SLC22A23: variants seen among roughly 807,000 people sequenced by gnomAD.
The protein encoded by SLC22A23 is ion transporter protein.
SLC22A23 carries 26 observed loss-of-function variants against 61.0 expected under a neutral mutation model. The ratio of observed to expected loss-of-function variants is 0.43; its 90% CI spans 0.31 to 0.59. The LOEUF (loss-of-function observed/expected upper bound fraction) is 0.59, where lower values mean the gene tolerates loss of function less well. SLC22A23 is among the 20% of genes least tolerant of loss of function. SLC22A23 has a pLI of 0.11. For missense variants in SLC22A23, 796 were observed against 934.7 expected (o/e 0.85, Z 1.94); for synonymous variants, 430 against 413.9 (o/e 1.04, Z -0.47).
At chr6:3,384,818 A>G (rs1460636501) in intron 3 of SLC22A23, among the ~76,000 whole-genome samples, 1 of 152,236 alleles carries the variant, frequency 6.6e-6, no homozygotes, top group Admixed American at 6.5e-5. Context: ...AGCAGTATTC[A>G]CAATAGCGAG....
At position 3,317,819 on chromosome 6, in the gene SLC22A23, A is replaced by T. The variant is rs1291851212; in HGVS notation, c.1082+6015T>A. Among the ~76,000 whole-genome samples the T allele has an allele frequency of 6.6e-6, 1 of 152,102 alleles. No homozygotes were observed. The highest frequency in any genetic ancestry group is 1.5e-5 in the Non-Finnish European group (1 of 68,018). ...AGTTTGACTCTGCAAACCACACGAGAGGACCAGGCGAGCGCACCCTCCCAT... is the reference window on the plus strand; with the variant it reads ...AGTTTGACTCTGCAAACCACACGAGTGGACCAGGCGAGCGCACCCTCCCAT... On this transcript the variant is annotated intron_variant, in intron 4 of 9. Coordinates refer to ENST00000406686, the MANE Select transcript of SLC22A23 (RefSeq NM_015482.2). This position sits in a 1 kb window ranked among gnomAD's most constrained non-coding sequence, Gnocchi z 4.4.
intron 4 of SLC22A23, among the ~76,000 whole-genome samples, chr6:3,321,539 C>T (rs1304418444): frequency 6.6e-6 from 1 of 152,104 alleles, no homozygotes; most frequent in Non-Finnish European, 1.5e-5. Context: ...AAATGAATGC[C>T]TTACCTTGCC....
intron 3 of SLC22A23, among the ~76,000 whole-genome samples, chr6:3,339,772 T>G (rs941437084): frequency 6.6e-6 from 1 of 152,212 alleles, no homozygotes; most frequent in Admixed American, 6.5e-5. Flanking sequence ...CCACCCCTTG[T>G]TTAGCATATC....
At position 3,298,116 on chromosome 6, in the gene SLC22A23, C is replaced by T; in HGVS notation, c.1185G>A (p.Glu395=). 2 of 1,577,880 alleles carry T rather than the reference C, an allele frequency of 1.3e-6. No homozygotes were observed. The highest frequency in any genetic ancestry group is 1.7e-6 in the Non-Finnish European group (2 of 1,165,424). Residue 395 remains glutamate (E), a synonymous_variant, in exon 5 of 10, where the codon GAG becomes GAA. Coordinates refer to ENST00000406686, the MANE Select transcript of SLC22A23 (RefSeq NM_015482.2). ...CTGGTATCACACCCTTGATGTCGCC[C>T]TCAGGGTTCATGCGATTCTTCTGTG... ...HFTQKNRMNP[E]GDIKGVIPEL...
chr6:3,373,340 TTGCCCCATC>T (rs1228798634), intron 3 of SLC22A23, among the ~76,000 whole-genome samples: 1 of 152,228 alleles, frequency 6.6e-6, no homozygotes, highest in Non-Finnish European at 1.5e-5. Flanking sequence ...CCTCTGGACT[TTGCCCCATC>T]TGCTTTTCCC....
rs1770568119 is a variant in SLC22A23 at position 3,427,344 on chromosome 6, G to A, written c.655-11489C>T. ...TGTTGGTAAGTAACATTTTGGATCT[G>A]AGAGTAATAAAACTACTTCAAAAAG... On this transcript the variant is annotated intron_variant, in intron 1 of 9. Coordinates refer to ENST00000406686, the MANE Select transcript of SLC22A23 (RefSeq NM_015482.2). The surrounding 1 kb of genome is among the most constrained non-coding windows in gnomAD (Gnocchi z 4.3). 6.6e-6 allele frequency among the ~76,000 whole-genome samples: 1 copy of A among 151,948 alleles called. No homozygotes were observed.
intron 3 of SLC22A23, among the ~76,000 whole-genome samples, chr6:3,408,680 C>T (rs977065325): frequency 5.3e-5 from 8 of 152,186 alleles, no homozygotes; most frequent in South Asian, 4.1e-4. Flanking sequence ...ACCATCTTTG[C>T]GGTAAGGTAA....
At chr6:3,398,552 G>A (rs1768168915) in intron 3 of SLC22A23, among the ~76,000 whole-genome samples, 1 of 150,936 alleles carries the variant, frequency 6.6e-6, no homozygotes, top group Non-Finnish European at 1.5e-5. Flanking sequence ...CCATTTTCTG[G>A]TCTCGGTGTT....
chr6:3,429,054 G>A (rs1259136810), intron 1 of SLC22A23, among the ~76,000 whole-genome samples: 1 of 152,166 alleles, frequency 6.6e-6, no homozygotes, highest in African/African-American at 2.4e-5. Context: ...GAATAGGAGA[G>A]ATGTTGCCAT....
At chr6:3,323,638 G>T in intron 4 of SLC22A23, 196 bp downstream of exon 4, 2 of 676,212 alleles carry the variant, frequency 3.0e-6, no homozygotes, top group South Asian at 2.1e-5. Context: ...TTCTATTTTT[G>T]TGTATATTTG....
rs1452159648 is a variant in SLC22A23, at chr6:3,410,263, C to T, written c.838G>A (p.Val280Met). Residue 280 changes from valine to methionine, a missense_variant, in exon 3 of 10, where the codon GTG becomes ATG. Val to Met is a conservative substitution (Grantham distance 21). Coordinates refer to ENST00000406686, the MANE Select transcript of SLC22A23 (RefSeq NM_015482.2). This position sits in a 1 kb window ranked among gnomAD's most constrained non-coding sequence, Gnocchi z 5.0. ...FGLTVALSVN[V>M]TMFSTLRFFE... Reference sequence around the variant, plus strand: ...AACCTGAGTGTGCTGAACATTGTCACATTCACTGACAGTGCCACAGTCAGT... The same window carrying T: ...AACCTGAGTGTGCTGAACATTGTCATATTCACTGACAGTGCCACAGTCAGT... The T allele has an allele frequency of 1.9e-6, 3 of 1,614,026 alleles. No individual in the cohort carries two copies. Among genetic ancestry groups the T allele is most frequent in the Non-Finnish European group, 2.5e-6 (3 of 1,179,974 alleles).
intron 1 of SLC22A23, among the ~76,000 whole-genome samples, chr6:3,445,762 A>T (rs1771863695): frequency 6.6e-6 from 1 of 152,130 alleles, no homozygotes; most frequent in African/African-American, 2.4e-5. Flanking sequence ...GGCACAAGGC[A>T]GTGAGAGAGA....
chr6:3,403,339 T>A (rs544548987), intron 3 of SLC22A23, among the ~76,000 whole-genome samples: 3 of 151,840 alleles, frequency 2.0e-5, no homozygotes, highest in Non-Finnish European at 4.4e-5. Context: ...CCATCCTGTC[T>A]GTCCAGGTGT....
chr6:3,379,646 C>G (rs1421906458), intron 3 of SLC22A23, among the ~76,000 whole-genome samples: 1 of 151,872 alleles, frequency 6.6e-6, no homozygotes, highest in Non-Finnish European at 1.5e-5. Context: ...GTTCCTTTCC[C>G]CCAATACTAA....
chr6:3,455,938 G>A lies in SLC22A23; in HGVS notation c.622C>T (p.Arg208Cys), dbSNP rs1772381105. 1 of 1,523,284 alleles carries A rather than the reference G, an allele frequency of 6.6e-7. No individual in the cohort carries two copies. The highest frequency in any genetic ancestry group is 8.9e-7 in the Non-Finnish European group (1 of 1,128,848). 94.4% of individuals were successfully genotyped at this position (1,523,284 alleles called of 1,614,324 possible). A position where few individuals can be genotyped will look rare whatever the true frequency, so the allele number is the denominator to read the frequency against. Residue 208 changes from arginine to cysteine, a missense_variant, in exon 1 of 10, where the codon CGC (arginine) becomes TGC (cysteine). Arg to Cys is a radical substitution (Grantham distance 180). Coordinates refer to ENST00000406686, the MANE Select transcript of SLC22A23 (RefSeq NM_015482.2). ...ACCACGTTCTGGACGAGGCCGGCGC[G>A]GATGCCGTAGTCCCATGCGCGGCAG... ...CDCRAWDYGI[R>C]AGLVQNVVSK...
rs1386663217 is a variant in SLC22A23 at position 3,382,014 on chromosome 6, G to T, written c.913+28174C>A. 8.5e-5 allele frequency among the ~76,000 whole-genome samples: 13 copies of T among 152,314 alleles called. 1 individual carries two copies. In the East Asian group the frequency reaches 2.5e-3, roughly 29 times the overall value. On this transcript the variant is annotated intron_variant, in intron 3 of 9. Transcript: ENST00000406686. ...ACCCTGATGTCACGATGACAAGGGGGTCCACTTTAACATAAGGGGAATAAC... is the reference window on the plus strand; with the variant it reads ...ACCCTGATGTCACGATGACAAGGGGTTCCACTTTAACATAAGGGGAATAAC...
chr6:3,302,520 T>C (rs1188184931), intron 4 of SLC22A23, among the ~76,000 whole-genome samples: 2 of 152,216 alleles, frequency 1.3e-5, no homozygotes, highest in South Asian at 2.1e-4. Context: ...AAATACATCA[T>C]TGGGTTGTTT....
intron 1 of SLC22A23, among the ~76,000 whole-genome samples, chr6:3,419,482 C>G (rs769709483): frequency 1.3e-5 from 2 of 152,186 alleles, no homozygotes; most frequent in Non-Finnish European, 2.9e-5. Context: ...TTTCTGTGTG[C>G]AACCTTGTTC....
chr6:3,402,939 G>A (rs188684034), intron 3 of SLC22A23, among the ~76,000 whole-genome samples: 18 of 152,322 alleles, frequency 1.2e-4, no homozygotes, highest in Non-Finnish European at 2.2e-4. Flanking sequence ...TTCCGGGCAG[G>A]TCATGAAAAA....
Sources: gnomAD v4.1 joint callset for allele counts (sites outside exome capture counted in the v4.1 genomes callset) on GRCh38, gnomAD v4.1.1 for gene constraint, Gnocchi (gnomAD v3.1) non-coding constraint, MANE v1.5 for transcripts, NCBI Gene and HGNC (gene_info 2026-07-23, HGNC 2026-07-21) for gene names.